Variants in SLC35F1 observed in about 807,000 individuals in gnomAD.
SLC35F1 encodes the protein chromosome 6 open reading frame 169.
Under a neutral mutation model 48.7 loss-of-function variants are expected in SLC35F1, and 14 were observed. The ratio of observed to expected loss-of-function variants is 0.29; its 90% CI spans 0.19 to 0.45. The LOEUF is 0.45. Among genes scored for constraint, SLC35F1 ranks in the 20% least tolerant of loss-of-function variants. The pLI is 1.00. For missense variants in SLC35F1, 404 were observed against 500.0 expected (o/e 0.81, Z 1.83); for synonymous variants, 190 against 202.2 (o/e 0.94, Z 0.51).
intron 1 of SLC35F1, among the ~76,000 whole-genome samples, chr6:117,924,703 G>C (rs144471913): frequency 7.0e-4 from 107 of 152,164 alleles, no homozygotes; most frequent in Non-Finnish European, 1.0e-3. Context: ...AGTATATGTT[G>C]CTTCACTAAA....
Position 118,106,261 on chromosome 6 carries a change from C to T in SLC35F1, c.174-48184C>T, listed in dbSNP as rs190794868. Among the ~76,000 whole-genome samples the T allele has an allele frequency of 4.6e-3, 698 of 152,284 alleles. 7 individuals are homozygous for T. The highest frequency in any genetic ancestry group is 0.015 in the African/African-American group (629 of 41,568). On this transcript the variant is annotated intron_variant, in intron 1 of 7. Transcript: ENST00000360388. ...CTTCTGCTTTCTCTAGATTTTTAAA[C>T]TATGAATTCTTTCTCTCTCATGTAT...
chr6:118,021,774 C>A (rs60541620), intron 1 of SLC35F1, among the ~76,000 whole-genome samples: 4,978 of 152,242 alleles, frequency 0.033, 276 homozygotes, highest in African/African-American at 0.11. Context: ...ATTAGCTGAG[C>A]AATTCTTCCA....
chr6:118,147,648 T>C (rs1005324500), intron 1 of SLC35F1, among the ~76,000 whole-genome samples: 2 of 152,176 alleles, frequency 1.3e-5, no homozygotes, highest in Non-Finnish European at 2.9e-5. Flanking sequence ...AGCTCCCTGT[T>C]TGGTGCCTTT....
At chr6:118,182,832 TGTA>T (rs902576833) in intron 2 of SLC35F1, among the ~76,000 whole-genome samples, 39 of 152,222 alleles carry the variant, frequency 2.6e-4, no homozygotes, top group African/African-American at 8.4e-4. Flanking sequence ...ACATTTGTAA[TGTA>T]GTCAATACTT....
intron 3 of SLC35F1, among the ~76,000 whole-genome samples, chr6:118,243,573 G>C (rs1775467817): frequency 1.3e-5 from 2 of 152,212 alleles, no homozygotes; most frequent in Admixed American, 1.3e-4. Context: ...GATGATAAAA[G>C]TCTGCAACCA....
intron 1 of SLC35F1, among the ~76,000 whole-genome samples, chr6:118,016,777 T>A (rs1455465971): frequency 1.3e-5 from 2 of 152,198 alleles, no homozygotes; most frequent in Non-Finnish European, 1.5e-5. Flanking sequence ...AAAAGCTTCT[T>A]TTTAAAGACT....
intron 1 of SLC35F1, among the ~76,000 whole-genome samples, chr6:118,075,589 TTTTG>T (rs1454649074): frequency 1.3e-5 from 2 of 152,202 alleles, no homozygotes; most frequent in African/African-American, 4.8e-5. Context: ...CCATTTGTAT[TTTTG>T]TTTGTGCATT....
In SLC35F1 at chr6:117,974,230, T is replaced by G. The variant is rs143606737; in HGVS notation, c.173+66331T>G. Among the ~76,000 whole-genome samples, 1,129 of 152,356 alleles carry G rather than the reference T, an allele frequency of 7.4e-3. 9 individuals carry two copies. Among genetic ancestry groups the G allele is most frequent in the Middle Eastern group, 0.017 (5 of 294 alleles). On this transcript the variant is annotated intron_variant, in intron 1 of 7. Transcript: ENST00000360388. ...ACAAGGTCTAGCACTTAGCATATAC[T>G]TAATCAGTGTTAGGTCTTACTATTT... is the stretch of plus-strand genomic sequence containing the variant.
chr6:117,977,268 C>T (rs1371889034), intron 1 of SLC35F1, among the ~76,000 whole-genome samples: 3 of 151,250 alleles, frequency 2.0e-5, no homozygotes, highest in African/African-American at 7.3e-5. Context: ...GCGATCTCGG[C>T]CCACTGCAAC....
chr6:118,143,802 C>T (rs746715807), intron 1 of SLC35F1, among the ~76,000 whole-genome samples: 4 of 152,124 alleles, frequency 2.6e-5, no homozygotes, highest in Non-Finnish European at 4.4e-5. Flanking sequence ...TTATTTAATC[C>T]TCATGACAGC....
intron 1 of SLC35F1, among the ~76,000 whole-genome samples, chr6:118,031,063 C>T (rs1285807143): frequency 6.6e-6 from 1 of 152,108 alleles, no homozygotes; most frequent in East Asian, 1.9e-4. Flanking sequence ...GCCTCCCTCA[C>T]TATCAACATC....
At chr6:118,152,387 A>G (rs952899568) in intron 1 of SLC35F1, among the ~76,000 whole-genome samples, 10 of 152,194 alleles carry the variant, frequency 6.6e-5, no homozygotes, top group Admixed American at 5.2e-4. Context: ...TTTGTTGGTC[A>G]TGTAACAAAC....
chr6:118,165,276 C>A (rs936942526), intron 2 of SLC35F1, among the ~76,000 whole-genome samples: 3 of 152,172 alleles, frequency 2.0e-5, no homozygotes, highest in Non-Finnish European at 4.4e-5. Flanking sequence ...TGTTTTCTAG[C>A]TCTTCTCACA....
intron 1 of SLC35F1, among the ~76,000 whole-genome samples, chr6:118,006,055 C>G (rs1173805832): frequency 6.6e-6 from 1 of 151,786 alleles, no homozygotes; most frequent in African/African-American, 2.4e-5. Context: ...TTTTGAGCTC[C>G]CTGAGGGAAA....
At chr6:118,161,082 T>A (rs1774223882) in intron 2 of SLC35F1, among the ~76,000 whole-genome samples, 1 of 138,492 alleles carries the variant, frequency 7.2e-6, no homozygotes, top group Non-Finnish European at 1.7e-5. Context: ...AATACTTACA[T>A]AATTAGAAGA....
At chr6:118,068,160 G>A (rs1276303598) in intron 1 of SLC35F1, among the ~76,000 whole-genome samples, 2 of 152,000 alleles carry the variant, frequency 1.3e-5, no homozygotes, top group Non-Finnish European at 2.9e-5. Context: ...TGTATTGGAT[G>A]GTGCCCGCCC....
chr6:118,268,435 G>C (rs906149952), intron 4 of SLC35F1, among the ~76,000 whole-genome samples: 4 of 151,634 alleles, frequency 2.6e-5, no homozygotes, highest in Non-Finnish European at 5.9e-5. Flanking sequence ...TGAAACACTG[G>C]TTCCATGACA....
intron 1 of SLC35F1, among the ~76,000 whole-genome samples, chr6:118,134,127 AG>A (rs1361747377): frequency 6.6e-6 from 1 of 152,236 alleles, no homozygotes; most frequent in Non-Finnish European, 1.5e-5. Flanking sequence ...TATCAGCAAG[AG>A]AAACAGAAAA....
intron 2 of SLC35F1, among the ~76,000 whole-genome samples, chr6:118,224,211 G>A (rs1056338986): frequency 3.3e-5 from 5 of 152,022 alleles, no homozygotes; most frequent in South Asian, 2.1e-4. Context: ...TCCACCCCAC[G>A]TATAGCCAAG....
Sources: allele counts gnomAD v4.1 joint callset (sites outside exome capture counted in the v4.1 genomes callset), GRCh38; gene constraint gnomAD v4.1.1; transcripts MANE v1.5; gene names NCBI Gene and HGNC (gene_info 2026-07-23, HGNC 2026-07-21).